ANKS1B: variants seen among roughly 807,000 people sequenced by gnomAD.
The protein encoded by ANKS1B is ankyrin repeat and sterile alpha motif domain containing 1B.
In ANKS1B, 36 loss-of-function variants were observed where a neutral mutation model predicts 148.3. The ratio of observed to expected loss-of-function variants is 0.24; its 90% CI spans 0.19 to 0.32. The LOEUF is 0.32. Among genes scored for constraint, ANKS1B ranks in the 10% least tolerant of loss-of-function variants. The pLI, the probability that ANKS1B is intolerant of heterozygous loss-of-function variation, is 1.00. For synonymous variants in ANKS1B, 542 were observed against 560.8 expected, an observed-to-expected ratio of 0.97 and a Z score of 0.47; for missense variants, 1,157 against 1,542.6, an observed-to-expected ratio of 0.75 and a Z score of 4.19.
At chr12:99,674,731 C>G (rs1016246597) in intron 8 of ANKS1B, among the ~76,000 whole-genome samples, 13 of 151,604 alleles carry the variant, frequency 8.6e-5, no homozygotes, top group Non-Finnish European at 1.9e-4. Context: ...GGCATTTCTA[C>G]TATAAATAGT....
At chr12:99,133,211 C>A (rs2066747004) in intron 15 of ANKS1B, among the ~76,000 whole-genome samples, 1 of 151,874 alleles carries the variant, frequency 6.6e-6, no homozygotes, top group Non-Finnish European at 1.5e-5. Context: ...GCCACCACGC[C>A]CAGCTATTTT....
intron 1 of ANKS1B, among the ~76,000 whole-genome samples, chr12:99,853,074 G>C (rs2088252474): frequency 6.6e-6 from 1 of 152,122 alleles, no homozygotes; most frequent in Non-Finnish European, 1.5e-5. Context: ...CCACGCACAA[G>C]GAGTCTGAGC....
At chr12:99,098,982 G>C (rs58428670) in intron 15 of ANKS1B, among the ~76,000 whole-genome samples, 1 of 152,148 alleles carries the variant, frequency 6.6e-6, no homozygotes, top group Non-Finnish European at 1.5e-5. Context: ...TGGCACCTTA[G>C]ATCATGGGAG....
At chr12:99,891,535 A>G (rs2093110331) in intron 1 of ANKS1B, among the ~76,000 whole-genome samples, 3 of 151,776 alleles carry the variant, frequency 2.0e-5, no homozygotes. Context: ...TGTGATTTTA[A>G]TTTGCATTTG....
chr12:99,766,424 C>A (rs933855230), intron 8 of ANKS1B, among the ~76,000 whole-genome samples: 3 of 152,086 alleles, frequency 2.0e-5, no homozygotes, highest in African/African-American at 7.2e-5. Context: ...TTCCTAGATT[C>A]CCTAAGGTTA....
At chr12:99,910,098 C>T (rs1399899356) in intron 1 of ANKS1B, among the ~76,000 whole-genome samples, 4 of 152,142 alleles carry the variant, frequency 2.6e-5, no homozygotes, top group Admixed American at 6.5e-5. Flanking sequence ...AAGGGCCAGA[C>T]GTGGTGGCTC....
At chr12:99,334,831 T>G (rs1301427737) in intron 12 of ANKS1B, among the ~76,000 whole-genome samples, 1 of 152,096 alleles carries the variant, frequency 6.6e-6, no homozygotes, top group East Asian at 1.9e-4. Context: ...TAGTTCCTCA[T>G]GCAAATTCAA....
chr12:99,096,675 A>G (rs77377322), intron 15 of ANKS1B, among the ~76,000 whole-genome samples: 1,779 of 152,286 alleles, frequency 0.012, 37 homozygotes, highest in African/African-American at 0.041. Flanking sequence ...TATAGCATCT[A>G]TATCATGAAG....
intron 12 of ANKS1B, among the ~76,000 whole-genome samples, chr12:99,310,924 T>A (rs1355073959): frequency 6.6e-6 from 1 of 152,162 alleles, no homozygotes; most frequent in African/African-American, 2.4e-5. Context: ...TTATTTAAAA[T>A]CTCTGTGCCT....
chr12:99,310,058 C>A (rs1566861099), intron 12 of ANKS1B, among the ~76,000 whole-genome samples: 1 of 152,094 alleles, frequency 6.6e-6, no homozygotes, highest in Admixed American at 6.5e-5. Context: ...TTTCTTACCT[C>A]TTTTGGCCAC....
At chr12:99,633,010 T>A (rs1397230721) in intron 9 of ANKS1B, among the ~76,000 whole-genome samples, 8 of 146,386 alleles carry the variant, frequency 5.5e-5, no homozygotes, top group Non-Finnish European at 1.5e-5. Context: ...ACATGCCATG[T>A]TTGGTTTTTG....
chr12:98,854,437 C>G (rs577887095), intron 17 of ANKS1B, among the ~76,000 whole-genome samples: 14 of 152,140 alleles, frequency 9.2e-5, no homozygotes, highest in African/African-American at 2.4e-4. Flanking sequence ...TGAAAAATCA[C>G]ATAGGACTCA....
chr12:98,884,440 T>C (rs1481415387), intron 17 of ANKS1B, among the ~76,000 whole-genome samples: 1 of 152,240 alleles, frequency 6.6e-6, no homozygotes, highest in South Asian at 2.1e-4. Flanking sequence ...ATATTCATCA[T>C]ATGCTTCTCT....
At position 99,655,350 on chromosome 12, in the gene ANKS1B, C is replaced by A. The variant is rs187190321; in HGVS notation, c.1129-140G>T. On this transcript the variant is annotated intron_variant, in intron 8 of 26. Coordinates refer to ENST00000683438, the MANE Select transcript of ANKS1B (RefSeq NM_001352186.2). ...TTTTAGCCACAGTTACATGGCTGTG[C>A]CCTGTGCCTGAGATAAAAATATGTA... 4.9e-4 allele frequency: 329 copies of A among 675,328 alleles called. No homozygotes were observed. In the African/African-American group the frequency reaches 5.5e-3, roughly 11 times the overall value. The allele number at this position is 675,328 out of a possible 1,614,324, so 41.8% of individuals were successfully genotyped here.
At chr12:98,764,427 C>T (rs946425873) in intron 25 of ANKS1B, among the ~76,000 whole-genome samples, 5 of 152,056 alleles carry the variant, frequency 3.3e-5, no homozygotes, top group African/African-American at 1.2e-4. Context: ...AGGGTTTCAC[C>T]ATGTTGGCCA....
chr12:99,770,666 T>C (rs911434170), intron 8 of ANKS1B, among the ~76,000 whole-genome samples: 1 of 152,020 alleles, frequency 6.6e-6, no homozygotes, highest in African/African-American at 2.4e-5. Context: ...CCTTTAGATT[T>C]TTCTCATTTC....
chr12:99,248,476 A>G (rs1211796445), intron 12 of ANKS1B, among the ~76,000 whole-genome samples: 1 of 152,202 alleles, frequency 6.6e-6, no homozygotes, highest in Non-Finnish European at 1.5e-5. Flanking sequence ...ATCTACTACT[A>G]TTATACTCAC....
intron 25 of ANKS1B, among the ~76,000 whole-genome samples, chr12:98,767,500 C>T (rs79398181): frequency 0.014 from 2,065 of 152,204 alleles, 54 homozygotes; most frequent in African/African-American, 0.047. Context: ...TGCTGCACAC[C>T]GAGGAGCACA....
At chr12:99,144,962 T>G (rs1180853135) in intron 15 of ANKS1B, among the ~76,000 whole-genome samples, 1 of 152,064 alleles carries the variant, frequency 6.6e-6, no homozygotes, top group Non-Finnish European at 1.5e-5. Flanking sequence ...CCACCTAGTT[T>G]GTGGTTCTTT....
Sources: gnomAD v4.1 joint callset for allele counts (sites outside exome capture counted in the v4.1 genomes callset) on GRCh38, gnomAD v4.1.1 for gene constraint, MANE v1.5 for transcripts, NCBI Gene and HGNC (gene_info 2026-07-23, HGNC 2026-07-21) for gene names.